Variants in DCTN1 observed in about 807,000 individuals in gnomAD.
DCTN1 encodes the protein dynactin subunit 1, also known as 150 kDa dynein-associated polypeptide.
Under a neutral mutation model 161.2 loss-of-function variants are expected in DCTN1, and 61 were observed. That is an observed-to-expected ratio of 0.38 (90% confidence interval 0.31 to 0.47). The LOEUF is 0.47. Among genes scored for constraint, DCTN1 ranks in the 20% least tolerant of loss-of-function variants. The pLI is 0.99. For synonymous variants in DCTN1, 653 were observed against 632.4 expected (o/e 1.03, Z -0.49); for missense variants, 1,404 against 1,623.7 (o/e 0.86, Z 2.33).
At chr2:74,376,241 T>C (rs1675217490) in intron 5 of DCTN1, among the ~76,000 whole-genome samples, 1 of 152,154 alleles carries the variant, frequency 6.6e-6, no homozygotes, top group African/African-American at 2.4e-5. Context: ...TATTTATGGC[T>C]GTGCCCATCC....
At position 74,370,203 on chromosome 2, in the gene DCTN1, C is replaced by G. The variant is rs1553465143; in HGVS notation, c.1270G>C (p.Asp424His). The change falls in exon 12 of 32, where the codon GAT becomes CAT. Residue 424 changes from aspartate to histidine, a missense_variant. Physicochemically the swap from Asp to His is moderately conservative, Grantham distance 81. Around this residue, in one of 9 missense-constraint regions of DCTN1, gnomAD observed 278 missense variants for 363.8 expected, o/e 0.76. Coordinates refer to ENST00000628224, the MANE Select transcript of DCTN1 (RefSeq NM_004082.5). The surrounding 1 kb of genome is among the most constrained non-coding windows in gnomAD (Gnocchi z 4.4). ...EELSQAESTIDELKEQVDAAL... is the reference protein window; with the variant it reads ...EELSQAESTIHELKEQVDAAL... ...CCCCAGACCTGCTCCTTGAGCTCAT[C>G]AATGGTGCTCTCTGCCTGGCTTAGC... is the stretch of plus-strand genomic sequence containing the variant. 3 of 1,613,942 alleles carry G rather than the reference C, an allele frequency of 1.9e-6. No individual in the cohort carries two copies. The highest frequency in any genetic ancestry group is 2.5e-6 in the Non-Finnish European group (3 of 1,180,038).
chr2:74,387,809 T>G (rs1459961472), intron 1 of DCTN1, among the ~76,000 whole-genome samples: 1 of 152,188 alleles, frequency 6.6e-6, no homozygotes, highest in East Asian at 1.9e-4. Context: ...AATACAATCA[T>G]GTCATCTTCC....
chr2:74,379,862 T>C, intron 1 of DCTN1, 143 bp downstream of exon 1: 1 of 847,900 alleles, frequency 1.2e-6, no homozygotes, highest in South Asian at 1.4e-5. Flanking sequence ...CACCAGGGCT[T>C]CGAGGGCTCC....
intron 5 of DCTN1, chr2:74,374,681 G>C: frequency 8.3e-7 from 1 of 1,201,746 alleles, no homozygotes; most frequent in Admixed American, 3.6e-5. Context: ...CGCAGCACCA[G>C]CTCCACCTGA....
chr2:74,376,934 G>A (rs968672945), intron 4 of DCTN1, among the ~76,000 whole-genome samples, 172 bp from the exon 5 acceptor site: 1 of 152,148 alleles, frequency 6.6e-6, no homozygotes, highest in Non-Finnish European at 1.5e-5. Context: ...CAGAGAAGCT[G>A]CAGAGTCTGC....
intron 29 of DCTN1, 81 bp from the exon 30 acceptor site, chr2:74,362,810 TAA>T: frequency 7.2e-7 from 1 of 1,398,102 alleles, no homozygotes. Flanking sequence ...GGTGCAGGTA[TAA>T]GACTCTCTAA....
At position 74,370,455 on chromosome 2, in the gene DCTN1, G is replaced by A; in HGVS notation, c.1127+11C>T. On this transcript the variant is annotated intron_variant, in intron 11 of 31. Transcript: ENST00000628224. This position sits in a 1 kb window ranked among gnomAD's most constrained non-coding sequence, Gnocchi z 4.4. ...AGAGTAAGCATCAGAGGCAAGCACT[G>A]AAGACCCTACCTCACCAGGGCATCC... 1 of 1,614,196 alleles carries A rather than the reference G, an allele frequency of 6.2e-7. No individual in the cohort carries two copies. Among genetic ancestry groups the A allele is most frequent in the East Asian group, 2.2e-5 (1 of 44,890 alleles).
chr2:74,371,283 A>C, intron 8 of DCTN1, 107 bp from the exon 9 acceptor site: 1 of 1,601,392 alleles, frequency 6.2e-7, no homozygotes, highest in Non-Finnish European at 8.5e-7. Context: ...ACCCAGCCCC[A>C]GGGTGGCCAA....
intron 29 of DCTN1, 30 bp from the exon 30 acceptor site, chr2:74,362,759 C>A: frequency 1.2e-6 from 2 of 1,609,214 alleles, no homozygotes; most frequent in Non-Finnish European, 1.7e-6. Flanking sequence ...GTGAGGCCCA[C>A]CAAGGCGCAG....
rs780145357 is a variant in DCTN1, at chr2:74,368,049, G to A, written c.1937C>T (p.Ala646Val). Residue 646 changes from alanine (A) to valine (V), a missense_variant, in exon 17 of 32, where the codon GCT becomes GTT. Physicochemically the swap from Ala to Val is moderately conservative, Grantham distance 64. This residue lies in a region of DCTN1 where 475 missense variants were observed against 489.8 expected (regional missense o/e 0.97). Coordinates refer to ENST00000628224, the MANE Select transcript of DCTN1 (RefSeq NM_004082.5). ...CSERPGLRGA[A>V]GEQLSFAAGL... Reference sequence around the variant, plus strand: ...AGCAGCAAAGCTGAGTTGCTCCCCAGCAGCTCCTCGCAGCCCAGGCCGCTC... The same window carrying A: ...AGCAGCAAAGCTGAGTTGCTCCCCAACAGCTCCTCGCAGCCCAGGCCGCTC... 1 of 1,613,730 alleles carries A rather than the reference G, an allele frequency of 6.2e-7. No individual in the cohort carries two copies. The highest frequency in any genetic ancestry group is 8.5e-7 in the Non-Finnish European group (1 of 1,179,794).
Position 74,365,996 on chromosome 2 carries a change from G to A in DCTN1, c.2783C>T (p.Ala928Val), listed in dbSNP as rs1324515033. The part of the protein sequence containing the change: ...PSKPPPVELR[A>V]AALRAEITDA... ...TGTGATCTCTGCACGAAGGGCAGCAGCCCGCAGTTCAACCGGTGGAGGCTA... is the reference window on the plus strand; with the variant it reads ...TGTGATCTCTGCACGAAGGGCAGCAACCCGCAGTTCAACCGGTGGAGGCTA... The change falls in exon 24 of 32, where the codon GCT (alanine) becomes GTT (valine). Residue 928 changes from alanine to valine, a missense_variant. Ala to Val is a moderately conservative substitution (Grantham distance 64). Transcript: ENST00000628224. 1.2e-6 allele frequency: 2 copies of A among 1,614,238 alleles called. No homozygotes were observed. The highest frequency in any genetic ancestry group is 1.7e-5 in the Admixed American group (1 of 60,036).
chr2:74,363,004 G>A lies in DCTN1; in HGVS notation c.3519C>T (p.Arg1173=), dbSNP rs146094433. Residue 1173 remains arginine, a synonymous_variant, in exon 29 of 32, where the codon CGC becomes CGT. Coordinates refer to ENST00000628224, the MANE Select transcript of DCTN1 (RefSeq NM_004082.5). The part of the protein sequence containing the change: ...STHTHVVDIT[R]TSPAAKSPSA... ...TTGGCAGGTACATACCAGGGCTGGT[G>A]CGAGTGATGTCTACTACGTGCGTGT... 601 of 1,613,088 alleles carry A rather than the reference G, an allele frequency of 3.7e-4. 11 individuals carry two copies. In the South Asian group the frequency reaches 6.0e-3, roughly 16 times the overall value.
rs1013167495 is a variant in DCTN1 at position 74,378,307 on chromosome 2, T to C, written c.34-62A>G. ...TCAGATCAAAGGTGGCATTCTTATG[T>C]ATAAGAAATGCCTCAGCCAAGATGC... On this transcript the variant is annotated intron_variant, in intron 1 of 31. Transcript: ENST00000628224. The C allele has an allele frequency of 1.9e-6, 3 of 1,582,958 alleles. No individual in the cohort carries two copies. In the African/African-American group the frequency reaches 4.0e-5, roughly 21 times the overall value.
intron 26 of DCTN1, chr2:74,364,659 G>A (rs779587997): frequency 5.6e-5 from 17 of 305,328 alleles, no homozygotes; most frequent in Non-Finnish European, 8.9e-5. Context: ...CATGAACTCA[G>A]TGAGAAAACA....
intron 1 of DCTN1, among the ~76,000 whole-genome samples, chr2:74,389,287 G>A (rs932733613): frequency 1.8e-4 from 28 of 152,286 alleles, no homozygotes; most frequent in African/African-American, 6.7e-4. Context: ...CCTTAATATA[G>A]ATATGAATCT....
chr2:74,370,934 T>C lies in DCTN1; in HGVS notation c.843+45A>G, dbSNP rs1022326989. 3.1e-6 allele frequency: 5 copies of C among 1,613,260 alleles called. No homozygotes were observed. Among genetic ancestry groups the C allele is most frequent in the Non-Finnish European group, 4.2e-6 (5 of 1,180,006 alleles). ...CAGTCTAGTTTCCAGCATGCTTCCT[T>C]AGGTCTCAGGCTGCCCCAGCCACCC... is the stretch of plus-strand genomic sequence containing the variant. On this transcript the variant is annotated intron_variant, in intron 9 of 31. Transcript: ENST00000628224. This position sits in a 1 kb window ranked among gnomAD's most constrained non-coding sequence, Gnocchi z 4.4.
chr2:74,376,989 T>C (rs955719692), intron 4 of DCTN1, among the ~76,000 whole-genome samples: 11 of 152,104 alleles, frequency 7.2e-5, no homozygotes, highest in Admixed American at 3.3e-4. Context: ...AGAGAAGAAC[T>C]AGGAAGCACT....
At position 74,366,311 on chromosome 2, in the gene DCTN1, CTGA is replaced by C. The variant is rs1674405094; in HGVS notation, c.2690_2692del (p.Ile897del). 6.2e-7 allele frequency: 1 copy of C among 1,614,096 alleles called. No individual in the cohort carries two copies. Among genetic ancestry groups the C allele is most frequent in the Non-Finnish European group, 8.5e-7 (1 of 1,180,050 alleles). On this transcript the variant is annotated inframe_deletion, in exon 23 of 32. Coordinates refer to ENST00000628224, the MANE Select transcript of DCTN1 (RefSeq NM_004082.5). ...GGCTGTGGCCAGCTTGTTCATGGTA[CTGA>C]TGAGGATGTTGCATGACTGGCGCAG...
intron 7 of DCTN1, 46 bp downstream of exon 7, chr2:74,372,882 T>A: frequency 6.2e-7 from 1 of 1,605,216 alleles, no homozygotes; most frequent in Non-Finnish European, 8.5e-7. Context: ...GCCTGAAACG[T>A]GTGTGTACAC....
Sources: allele counts gnomAD v4.1 joint callset (sites outside exome capture counted in the v4.1 genomes callset), GRCh38; gene constraint gnomAD v4.1.1; regional missense constraint gnomAD v4.1.1; non-coding constraint Gnocchi (gnomAD v3.1); transcripts MANE v1.5; gene names NCBI Gene and HGNC (gene_info 2026-07-23, HGNC 2026-07-21).